FAT4: variants seen among roughly 807,000 people sequenced by gnomAD.
The protein encoded by FAT4 is protocadherin Fat 4.
FAT4 carries 84 observed loss-of-function variants against 303.9 expected under a neutral mutation model. The observed-to-expected ratio is 0.28, with a 90% confidence interval of 0.23 to 0.33. FAT4 has a LOEUF of 0.33. Among genes scored for constraint, FAT4 ranks in the 10% least tolerant of loss-of-function variants. The pLI is 1.00. For synonymous variants in FAT4, 2,307 were observed against 2,298.8 expected, an observed-to-expected ratio of 1.00 and a Z score of -0.10; for missense variants, 6,005 against 6,146.8, an observed-to-expected ratio of 0.98 and a Z score of 0.77.
rs1368976937 is a variant in FAT4, at chr4:125,316,469, T to C, written c.58T>C (p.Ser20Pro). The change falls in exon 2 of 18, where the codon TCA becomes CCA. Residue 20 changes from serine (S) to proline (P), a missense_variant. Ser to Pro is a moderately conservative substitution (Grantham distance 74, BLOSUM62 -1). Transcript: ENST00000394329. The surrounding 1 kb of genome is among the most constrained non-coding windows in gnomAD (Gnocchi z 5.7). ...GRPWLPLHTL[S>P]VSQLLRVFWL... ...CCCGTGGCTCCCGTTGCACACTCTA[T>C]CAGTATCTCAGCTCCTTCGAGTGTT... is the stretch of plus-strand genomic sequence containing the variant. The C allele has an allele frequency of 1.2e-6, 2 of 1,613,840 alleles. No individual in the cohort carries two copies. The highest frequency in any genetic ancestry group is 1.7e-6 in the Non-Finnish European group (2 of 1,180,008).
chr4:125,370,149 C>T (rs1322682613), intron 2 of FAT4, among the ~76,000 whole-genome samples: 1 of 151,580 alleles, frequency 6.6e-6, no homozygotes, highest in Non-Finnish European at 1.5e-5. Flanking sequence ...AGGCTTTGTT[C>T]TGCCACAACT....
intron 16 of FAT4, among the ~76,000 whole-genome samples, chr4:125,484,095 A>G (rs969429860): frequency 1.4e-5 from 2 of 143,276 alleles, no homozygotes; most frequent in Non-Finnish European, 3.1e-5. Context: ...ACACACACAC[A>G]CGCAGACAGA....
intron 2 of FAT4, among the ~76,000 whole-genome samples, chr4:125,349,159 G>A (rs893665453): frequency 1.3e-5 from 2 of 151,676 alleles, no homozygotes; most frequent in African/African-American, 2.4e-5. Flanking sequence ...CATTTTTGTT[G>A]AAGTTTATTA....
intron 4 of FAT4, 129 bp downstream of exon 4, chr4:125,407,270 T>C (rs1310495666): frequency 1.2e-6 from 1 of 818,854 alleles, no homozygotes; most frequent in South Asian, 2.0e-5. Flanking sequence ...AAAATATATA[T>C]GCTGGATTGT....
intron 7 of FAT4, among the ~76,000 whole-genome samples, chr4:125,426,600 G>A (rs1429074305): frequency 1.3e-5 from 2 of 151,770 alleles, no homozygotes; most frequent in African/African-American, 4.8e-5. Context: ...CTACTCTTTA[G>A]TCAGAAAAAA....
Position 125,434,408 on chromosome 4 carries a change from A to C in FAT4, c.7182A>C (p.Ser2394=). 6.2e-7 allele frequency: 1 copy of C among 1,614,066 alleles called. No homozygotes were observed. The change falls in exon 8 of 18, where the codon TCA becomes TCC. Residue 2394 remains serine (S), a synonymous_variant. Transcript: ENST00000394329. ...TAAATGCCTCAGATGCTGATGCTTC[A>C]AAGAATGCAGTTATAAGGTCAGTAC... ...LLVNASDADA[S]KNAVISYRII... is the part of the protein sequence containing the mutation.
intron 9 of FAT4, 91 bp from the exon 10 acceptor site, chr4:125,448,369 GC>G: frequency 8.7e-7 from 1 of 1,151,628 alleles, no homozygotes; most frequent in Non-Finnish European, 1.2e-6. Flanking sequence ...GTCACATCAA[GC>G]AGCAATAGAG....
Position 125,452,049 on chromosome 4 carries a change from C to T in FAT4, c.11039C>T (p.Thr3680Met), listed in dbSNP as rs367877267. 7.4e-6 allele frequency: 12 copies of T among 1,614,010 alleles called. No homozygotes were observed. Among genetic ancestry groups the T allele is most frequent in the African/African-American group, 5.3e-5 (4 of 74,906 alleles). The change falls in exon 10 of 18, where the codon ACG (threonine) becomes ATG (methionine). Residue 3680 changes from threonine (T) to methionine (M), a missense_variant. Coordinates refer to ENST00000394329, the MANE Select transcript of FAT4 (RefSeq NM_001291303.3). ...LNSQPRSTDG[T>M]FDLTVLSNDG... ...TCCCAGCCAAGGTCCACAGATGGCA[C>T]GTTTGATCTGACTGTCCTTAGCAAT...
chr4:125,342,334 T>C (rs1016943977), intron 2 of FAT4, among the ~76,000 whole-genome samples: 2 of 152,014 alleles, frequency 1.3e-5, no homozygotes, highest in African/African-American at 4.8e-5. Flanking sequence ...GAAAGTAAAA[T>C]TTTTATCAAG....
rs548361196 is a variant in FAT4, at chr4:125,446,644, A to T, written c.7450+101A>T. ...TATTTTACATACATATTTCTGATAT[A>T]GCCTAATTTTGCAAATCCTCTAAAA... On this transcript the variant is annotated intron_variant, in intron 9 of 17. Transcript: ENST00000394329. The T allele has an allele frequency of 8.1e-6, 10 of 1,229,758 alleles. No individual in the cohort carries two copies. The South Asian group carries it at 1.3e-4, about 16-fold the overall frequency. 76.2% of individuals were successfully genotyped at this position (1,229,758 alleles called of 1,614,324 possible). A position where few individuals can be genotyped will look rare whatever the true frequency, so the allele number is the denominator to read the frequency against.
intron 2 of FAT4, among the ~76,000 whole-genome samples, chr4:125,340,407 G>A (rs749319845): frequency 2.6e-5 from 4 of 151,128 alleles, no homozygotes; most frequent in Non-Finnish European, 5.9e-5. Context: ...TTTTTGAGAC[G>A]GAGCCTCGCT....
At chr4:125,429,076 G>C (rs1178437159) in intron 7 of FAT4, among the ~76,000 whole-genome samples, 1 of 152,022 alleles carries the variant, frequency 6.6e-6, no homozygotes, top group Non-Finnish European at 1.5e-5. Flanking sequence ...TCTTCTCATG[G>C]GATTCACGTT....
chr4:125,462,818 T>C (rs1406798652), intron 10 of FAT4, among the ~76,000 whole-genome samples: 1 of 152,012 alleles, frequency 6.6e-6, no homozygotes, highest in African/African-American at 2.4e-5. Context: ...GGAAACACAG[T>C]CTGAAGACAC....
Position 125,449,780 on chromosome 4 carries a change from G to A in FAT4, c.8770G>A (p.Ala2924Thr), listed in dbSNP as rs553689367. 7 of 1,613,690 alleles carry A rather than the reference G, an allele frequency of 4.3e-6. No homozygotes were observed. In the South Asian group the frequency reaches 7.7e-5, roughly 18 times the overall value. Residue 2924 changes from alanine (A) to threonine (T), a missense_variant, in exon 10 of 18, where the codon GCC becomes ACC. Ala to Thr is a moderately conservative substitution (Grantham distance 58, BLOSUM62 0). Coordinates refer to ENST00000394329, the MANE Select transcript of FAT4 (RefSeq NM_001291303.3). ...KSQSEYFRIN[A>T]TTGEIFNKQI... is the part of the protein sequence containing the mutation. The stretch of plus-strand genomic sequence containing the variant: ...CCAATCAGAATATTTCAGGATTAAT[G>A]CCACCACTGGAGAGATTTTCAATAA...
chr4:125,334,846 T>C (rs1216556683), intron 2 of FAT4, among the ~76,000 whole-genome samples: 1 of 152,142 alleles, frequency 6.6e-6, no homozygotes, highest in Non-Finnish European at 1.5e-5. Flanking sequence ...ACTTTAAAAT[T>C]TCCACTAAAA....
At chr4:125,426,457 G>T (rs1198607469) in intron 7 of FAT4, among the ~76,000 whole-genome samples, 6 of 151,926 alleles carry the variant, frequency 3.9e-5, no homozygotes. Context: ...TCATAGATGG[G>T]AATCTTGTTT....
Position 125,318,901 on chromosome 4 carries a change from T to G in FAT4, c.2490T>G (p.Ile830Met). Reference protein sequence around the residue: ...MDLNSNISYLITTGDQKGMFA... With the variant: ...MDLNSNISYLMTTGDQKGMFA... ...TCAATTCCAACATCAGTTATCTCAT[T>G]ACTACTGGGGATCAGAAAGGTATGT... is the stretch of plus-strand genomic sequence containing the variant. Residue 830 changes from isoleucine (I) to methionine (M), a missense_variant, in exon 2 of 18, where the codon ATT (isoleucine) becomes ATG (methionine). Ile to Met is a conservative substitution (Grantham distance 10). Coordinates refer to ENST00000394329, the MANE Select transcript of FAT4 (RefSeq NM_001291303.3). 6.2e-7 allele frequency: 1 copy of G among 1,614,184 alleles called. No homozygotes were observed. Among genetic ancestry groups the G allele is most frequent in the Non-Finnish European group, 8.5e-7 (1 of 1,180,028 alleles).
chr4:125,453,348 T>C (rs1289866596), intron 10 of FAT4, among the ~76,000 whole-genome samples: 5 of 152,202 alleles, frequency 3.3e-5, no homozygotes, highest in Non-Finnish European at 7.3e-5. Context: ...ATAGTCGTCA[T>C]TATTATCGAA....
At chr4:125,375,630 T>C (rs532177688) in intron 2 of FAT4, among the ~76,000 whole-genome samples, 6 of 152,338 alleles carry the variant, frequency 3.9e-5, no homozygotes, top group Admixed American at 3.3e-4. Flanking sequence ...TCTGGCCTAG[T>C]TCAGTAATTT....
Sources: allele counts gnomAD v4.1 joint callset (sites outside exome capture counted in the v4.1 genomes callset), GRCh38; gene constraint gnomAD v4.1.1; non-coding constraint Gnocchi (gnomAD v3.1); transcripts MANE v1.5; gene names NCBI Gene and HGNC (gene_info 2026-07-23, HGNC 2026-07-21).